Variants in RUNX1 observed in about 807,000 individuals in gnomAD.
RUNX1 encodes the protein RUNX family transcription factor 1.
A neutral mutation model predicts 42.8 loss-of-function variants in RUNX1; 19 were observed. The observed-to-expected ratio is 0.44, with a 90% CI of 0.31 to 0.65. The LOEUF (loss-of-function observed/expected upper bound fraction) is 0.65. RUNX1 is among the 30% of genes least tolerant of loss of function. The pLI is 0.07. For missense variants in RUNX1, 528 were observed against 672.0 expected, an observed-to-expected ratio of 0.79 and a Z score of 2.37; for synonymous variants, 271 against 289.4, an observed-to-expected ratio of 0.94 and a Z score of 0.64.
At chr21:34,804,433 G>A (rs542170397) in intron 7 of RUNX1, among the ~76,000 whole-genome samples, 128 of 152,250 alleles carry the variant, frequency 8.4e-4, no homozygotes, top group Admixed American at 2.4e-3. Flanking sequence ...TGAAGTCTCT[G>A]GTACCTTCTG....
At chr21:34,957,123 C>T (rs993015447) in intron 2 of RUNX1, among the ~76,000 whole-genome samples, 5 of 152,306 alleles carry the variant, frequency 3.3e-5, no homozygotes, top group African/African-American at 9.6e-5. Context: ...GCTCACCTGA[C>T]GCATGGCCAG....
Position 34,880,575 on chromosome 21 carries a change from C to T in RUNX1, c.490G>A (p.Val164Ile), listed in dbSNP as rs760221080. The change falls in exon 5 of 9, where the codon GTC (valine) becomes ATC (isoleucine). Residue 164 changes from valine (V) to isoleucine (I), a missense_variant. Physicochemically the swap from Val to Ile is conservative, Grantham distance 29. Transcript: ENST00000675419. ...AACGTACCTCTTCCACTTCGACCGA[C>T]AAACCTGAGGTCATTAAATCTTGCA... ...QVARFNDLRF[V>I]GRSGRGKSFT... 1 of 1,614,166 alleles carries T rather than the reference C, an allele frequency of 6.2e-7. No individual in the cohort carries two copies. Among genetic ancestry groups the T allele is most frequent in the Non-Finnish European group, 8.5e-7 (1 of 1,180,016 alleles).
intron 2 of RUNX1, among the ~76,000 whole-genome samples, chr21:34,899,627 CT>C (rs1262226696): frequency 7.2e-5 from 11 of 152,220 alleles, no homozygotes; most frequent in African/African-American, 2.7e-4. Flanking sequence ...CAAGGAGCTG[CT>C]TTACATACAT....
chr21:34,800,172 A>G lies in RUNX1; in HGVS notation c.806-710T>C, dbSNP rs1415621939. ...TTTAGCAGGTATTTTATAGATTGCC[A>G]TTATAAGAGGCCTGGGATAGAGAAG... On this transcript the variant is annotated intron_variant, in intron 7 of 8. Coordinates refer to ENST00000675419, the MANE Select transcript of RUNX1 (RefSeq NM_001754.5). Among the ~76,000 whole-genome samples the G allele has an allele frequency of 2.6e-5, 4 of 152,324 alleles. No individual in the cohort carries two copies. The East Asian group carries it at 7.7e-4, about 29-fold the overall frequency.
intron 7 of RUNX1, among the ~76,000 whole-genome samples, chr21:34,832,712 T>C (rs1431279750): frequency 6.6e-6 from 1 of 152,192 alleles, no homozygotes; most frequent in Admixed American, 6.5e-5. Context: ...TCACTGAACA[T>C]ACCATTTGAC....
At chr21:34,946,355 G>C (rs149989388) in intron 2 of RUNX1, among the ~76,000 whole-genome samples, 333 of 152,208 alleles carry the variant, frequency 2.2e-3, no homozygotes, top group African/African-American at 7.4e-3. Context: ...CATGGGCTTG[G>C]GGGGAGGTTC....
At chr21:34,938,848 C>CAGAT (rs2058505816) in intron 2 of RUNX1, among the ~76,000 whole-genome samples, 1 of 152,136 alleles carries the variant, frequency 6.6e-6, no homozygotes, top group South Asian at 2.1e-4. Context: ...AACTTTTCAT[C>CAGAT]AGATAGGCTC....
chr21:34,874,839 A>G (rs1852893734), intron 5 of RUNX1, among the ~76,000 whole-genome samples: 1 of 152,104 alleles, frequency 6.6e-6, no homozygotes, highest in African/African-American at 2.4e-5. Context: ...ATCACTGTTT[A>G]TGTCTATAAT....
intron 2 of RUNX1, among the ~76,000 whole-genome samples, chr21:35,047,047 C>T (rs546057476): frequency 2.0e-5 from 3 of 152,218 alleles, no homozygotes; most frequent in East Asian, 1.9e-4. Context: ...TGTCCCTCAC[C>T]ATCTTTGCCG....
At chr21:34,819,873 G>A (rs550737953) in intron 7 of RUNX1, among the ~76,000 whole-genome samples, 5 of 152,326 alleles carry the variant, frequency 3.3e-5, no homozygotes, top group African/African-American at 7.2e-5. Flanking sequence ...CTTCTGGCCC[G>A]CCAGCCCAAG....
chr21:34,870,762 A>G (rs1331342645), intron 5 of RUNX1, among the ~76,000 whole-genome samples: 1 of 152,124 alleles, frequency 6.6e-6, no homozygotes, highest in Non-Finnish European at 1.5e-5. Flanking sequence ...GATCGAGACC[A>G]TCCTGGCCAG....
At chr21:34,861,534 A>T (rs2057575600) in intron 5 of RUNX1, among the ~76,000 whole-genome samples, 1 of 152,122 alleles carries the variant, frequency 6.6e-6, no homozygotes, top group African/African-American at 2.4e-5. Flanking sequence ...TATCATCAAG[A>T]CTGAACTCCA....
intron 7 of RUNX1, among the ~76,000 whole-genome samples, chr21:34,815,101 A>G (rs2056807708): frequency 6.6e-6 from 1 of 152,190 alleles, no homozygotes; most frequent in African/African-American, 2.4e-5. Context: ...AACCAGTCTC[A>G]ACAGCACCTC....
In RUNX1 at chr21:34,895,820, T is replaced by C. The variant is rs554892959; in HGVS notation, c.59-2857A>G. 2.6e-5 allele frequency among the ~76,000 whole-genome samples: 4 copies of C among 152,226 alleles called. No individual in the cohort carries two copies. The South Asian group carries it at 8.3e-4, about 32-fold the overall frequency. On this transcript the variant is annotated intron_variant, in intron 2 of 8. Coordinates refer to ENST00000675419, the MANE Select transcript of RUNX1 (RefSeq NM_001754.5). Reference sequence around the variant, plus strand: ...TGTGAACTTCAACATGCGGGAAAATTGATCTGTCAAAGCCAAACAGGGAAA... The same window carrying C: ...TGTGAACTTCAACATGCGGGAAAATCGATCTGTCAAAGCCAAACAGGGAAA...
chr21:34,827,021 G>C (rs966552251), intron 7 of RUNX1, among the ~76,000 whole-genome samples: 3 of 152,184 alleles, frequency 2.0e-5, no homozygotes, highest in African/African-American at 7.2e-5. Context: ...CTAAATCTTC[G>C]TAGAGATTAC....
intron 2 of RUNX1, among the ~76,000 whole-genome samples, chr21:34,981,122 A>T (rs558539819): frequency 6.6e-6 from 1 of 152,336 alleles, no homozygotes; most frequent in African/African-American, 2.4e-5. Flanking sequence ...GGTCCCTCCT[A>T]AGATCAACAA....
chr21:34,887,917 G>A, intron 3 of RUNX1: 1 of 1,065,304 alleles, frequency 9.4e-7, no homozygotes, highest in Non-Finnish European at 1.1e-6. Context: ...AAAATTCAGC[G>A]TTTCAGAGAT....
intron 7 of RUNX1, among the ~76,000 whole-genome samples, chr21:34,804,742 CT>C (rs58321227): frequency 0.04 from 5,288 of 132,620 alleles, 171 homozygotes; most frequent in Admixed American, 0.12. Context: ...GAGATGGAAA[CT>C]TTTTTTTTTT....
Position 34,820,189 on chromosome 21 carries a change from G to A in RUNX1, c.805+14221C>T, listed in dbSNP as rs151199872. 2.0e-5 allele frequency among the ~76,000 whole-genome samples: 3 copies of A among 152,328 alleles called. No individual in the cohort carries two copies. The East Asian group carries it at 5.8e-4, about 29-fold the overall frequency. On this transcript the variant is annotated intron_variant, in intron 7 of 8. Transcript: ENST00000675419. Reference sequence around the variant, plus strand: ...AGGGAGCAGGGCTGGGGTGCCGGCTGGGGCTGCGGAGGGTGGGCATGGCTT... The same window carrying A: ...AGGGAGCAGGGCTGGGGTGCCGGCTAGGGCTGCGGAGGGTGGGCATGGCTT...
Sources: allele counts gnomAD v4.1 joint callset (sites outside exome capture counted in the v4.1 genomes callset), GRCh38; gene constraint gnomAD v4.1.1; transcripts MANE v1.5; gene names NCBI Gene and HGNC (gene_info 2026-07-23, HGNC 2026-07-21).